SPAG1: variants seen among roughly 807,000 people sequenced by gnomAD.
The protein encoded by SPAG1 is sperm associated antigen 1.
In SPAG1, 69 loss-of-function variants were observed where a neutral mutation model predicts 100.5. That is an observed-to-expected ratio of 0.69 (90% CI 0.57 to 0.84). SPAG1 has a LOEUF of 0.84. SPAG1 is among the 40% of genes least tolerant of loss of function. The pLI is 0.00. For missense variants in SPAG1, 955 were observed against 1,133.1 expected, an observed-to-expected ratio of 0.84 and a Z score of 2.26; for synonymous variants, 336 against 411.6, an observed-to-expected ratio of 0.82 and a Z score of 2.22.
At chr8:100,222,325 C>T (rs1818320972) in intron 13 of SPAG1, among the ~76,000 whole-genome samples, 1 of 152,166 alleles carries the variant, frequency 6.6e-6, no homozygotes, top group African/African-American at 2.4e-5. Flanking sequence ...TTGCTGTCTC[C>T]CTGTGTAAAA....
chr8:100,209,069 T>A lies in SPAG1; in HGVS notation c.1097-4021T>A, dbSNP rs1817618168. On this transcript the variant is annotated intron_variant, in intron 10 of 18. Transcript: ENST00000388798. ...CCTTAATCTGGTGGGCACACTCTAA[T>A]CAGCTGCCAGCGAATATAAAGCAGA... is the stretch of plus-strand genomic sequence containing the variant. 3.3e-5 allele frequency among the ~76,000 whole-genome samples: 5 copies of A among 152,206 alleles called. No individual in the cohort carries two copies. The South Asian group carries it at 1.0e-3, about 32-fold the overall frequency.
At chr8:100,183,490 C>A in intron 5 of SPAG1, 54 bp downstream of exon 5, 1 of 765,952 alleles carries the variant, frequency 1.3e-6, no homozygotes, top group Non-Finnish European at 2.2e-6. Flanking sequence ...TTATCTACCA[C>A]AAAATACTGC....
chr8:100,232,019 G>A (rs1028502932), intron 15 of SPAG1, among the ~76,000 whole-genome samples: 1 of 151,988 alleles, frequency 6.6e-6, no homozygotes, highest in African/African-American at 2.4e-5. Context: ...GAAGTGCTGC[G>A]GGAAGGCACC....
chr8:100,184,508 G>A, intron 6 of SPAG1, 120 bp from the exon 7 acceptor site: 4 of 517,928 alleles, frequency 7.7e-6, no homozygotes, highest in African/African-American at 2.0e-5. Flanking sequence ...ATTTTCTTTT[G>A]TTTATTTTAT....
chr8:100,161,796 T>G (rs1056845149), intron 1 of SPAG1, among the ~76,000 whole-genome samples: 2 of 152,214 alleles, frequency 1.3e-5, no homozygotes, highest in South Asian at 2.1e-4. Flanking sequence ...ACTTTAGATA[T>G]AGATTAAAAG....
At chr8:100,168,369 A>T (rs1586392034) in intron 3 of SPAG1, among the ~76,000 whole-genome samples, 1 of 152,118 alleles carries the variant, frequency 6.6e-6, no homozygotes, top group Non-Finnish European at 1.5e-5. Context: ...CGTTAAAAAA[A>T]AATTGCCTTG....
At chr8:100,170,349 C>T (rs1042778897) in intron 3 of SPAG1, among the ~76,000 whole-genome samples, 1 of 152,054 alleles carries the variant, frequency 6.6e-6, no homozygotes, top group African/African-American at 2.4e-5. Flanking sequence ...ATCCTGTCAT[C>T]TCAGTTATGA....
At chr8:100,223,097 C>A (rs1818355722) in intron 13 of SPAG1, among the ~76,000 whole-genome samples, 1 of 152,174 alleles carries the variant, frequency 6.6e-6, no homozygotes, top group African/African-American at 2.4e-5. Context: ...ATCAGTACTT[C>A]ATTGCTTTTT....
rs529798377 is a variant in SPAG1 at position 100,208,567 on chromosome 8, C to G, written c.1097-4523C>G. Among the ~76,000 whole-genome samples, 9 of 149,564 alleles carry G rather than the reference C, an allele frequency of 6.0e-5. No individual in the cohort carries two copies. In the Middle Eastern group the frequency reaches 0.014, roughly 228 times the overall value. On this transcript the variant is annotated intron_variant, in intron 10 of 18. Coordinates refer to ENST00000388798, the MANE Select transcript of SPAG1 (RefSeq NM_003114.5). ...TAGTAGAAGAAGGTAGTCATCAATA[C>G]CAGCTATGACCACGTGACCAGCTGC...
intron 8 of SPAG1, among the ~76,000 whole-genome samples, chr8:100,188,952 G>T (rs974992560): frequency 7.2e-5 from 11 of 152,144 alleles, no homozygotes; most frequent in Admixed American, 3.9e-4. Flanking sequence ...TTAGGCAGCA[G>T]CCCACTGAAG....
chr8:100,241,062 T>C lies in SPAG1; in HGVS notation c.*40T>C. ...TAGATTTCTTCCATGCATGTATGTG[T>C]TCCAGGAATGTTAATGAGATGGTAT... is the stretch of plus-strand genomic sequence containing the variant. On this transcript the variant is annotated 3_prime_UTR_variant, in exon 19 of 19. Transcript: ENST00000388798. This position sits in a 1 kb window ranked among gnomAD's most constrained non-coding sequence, Gnocchi z 5.1. 2 of 1,594,876 alleles carry C rather than the reference T, an allele frequency of 1.3e-6. No homozygotes were observed. Among genetic ancestry groups the C allele is most frequent in the East Asian group, 2.2e-5 (1 of 44,616 alleles).
At position 100,240,963 on chromosome 8, in the gene SPAG1, C is replaced by T; in HGVS notation, c.2722C>T (p.Pro908Ser). 2.5e-6 allele frequency: 4 copies of T among 1,612,474 alleles called. No individual in the cohort carries two copies. Among genetic ancestry groups the T allele is most frequent in the Non-Finnish European group, 3.4e-6 (4 of 1,179,470 alleles). Residue 908 changes from proline to serine, a missense_variant, in exon 19 of 19, where the codon CCA becomes TCA. Physicochemically the swap from Pro to Ser is moderately conservative, Grantham distance 74 (BLOSUM62 -1). Transcript: ENST00000388798. ...GCTGTTTGAGGACCTTTCGGACACA[C>T]CAAACAACCATTTTACTTTAGAAGA... The part of the protein sequence containing the change: ...EQLFEDLSDT[P>S]NNHFTLEDIQ...
At chr8:100,220,551 TTG>T in intron 13 of SPAG1, 120 bp downstream of exon 13, 1 of 725,416 alleles carries the variant, frequency 1.4e-6, no homozygotes, top group Non-Finnish European at 2.2e-6. Flanking sequence ...ACCTGAATGA[TTG>T]CCTTCTTTTA....
At chr8:100,225,814 T>G (rs1818483996) in intron 14 of SPAG1, among the ~76,000 whole-genome samples, 1 of 151,824 alleles carries the variant, frequency 6.6e-6, no homozygotes, top group Non-Finnish European at 1.5e-5. Context: ...GTCCTACTAG[T>G]ATACATGTAA....
At position 100,170,826 on chromosome 8, in the gene SPAG1, TTTATTTATTTA is replaced by T. The variant is rs755204296; in HGVS notation, c.300+4856_300+4866del. 4.1e-4 allele frequency among the ~76,000 whole-genome samples: 62 copies of T among 149,450 alleles called. 1 individual carries two copies. Among genetic ancestry groups the T allele is most frequent in the Admixed American group, 3.8e-3 (57 of 15,060 alleles). On this transcript the variant is annotated intron_variant, in intron 3 of 18. Coordinates refer to ENST00000388798, the MANE Select transcript of SPAG1 (RefSeq NM_003114.5). ...ATTTATTTATTTATTTATTTATTTATTTATTTATTTATTTATTTATTTATTTTTTACTTGCT... is the reference window on the plus strand; with the variant it reads ...ATTTATTTATTTATTTATTTATTTATTTTATTTATTTATTTTTTACTTGCT...
At chr8:100,215,716 G>C (rs1586504259) in intron 12 of SPAG1, among the ~76,000 whole-genome samples, 1 of 152,146 alleles carries the variant, frequency 6.6e-6, no homozygotes, top group Admixed American at 6.6e-5. Flanking sequence ...AGTAGAGACG[G>C]GGTTTCACAG....
At chr8:100,192,346 G>A (rs942151939) in intron 9 of SPAG1, among the ~76,000 whole-genome samples, 1 of 152,156 alleles carries the variant, frequency 6.6e-6, no homozygotes, top group African/African-American at 2.4e-5. Context: ...TAGGAAACCT[G>A]CTTCTTTTAT....
chr8:100,189,874 G>A (rs952873358), intron 8 of SPAG1, among the ~76,000 whole-genome samples: 3 of 152,112 alleles, frequency 2.0e-5, no homozygotes, highest in African/African-American at 4.8e-5. Context: ...TATATTTAAA[G>A]TGCAGTGCTA....
chr8:100,187,235 C>T lies in SPAG1; in HGVS notation c.817C>T (p.Pro273Ser). The T allele has an allele frequency of 6.2e-7, 1 of 1,608,070 alleles. No individual in the cohort carries two copies. Among genetic ancestry groups the T allele is most frequent in the African/African-American group, 1.3e-5 (1 of 74,762 alleles). The change falls in exon 8 of 19, where the codon CCT (proline) becomes TCT (serine). Residue 273 changes from proline to serine, a missense_variant. Physicochemically the swap from Pro to Ser is moderately conservative, Grantham distance 74. Coordinates refer to ENST00000388798, the MANE Select transcript of SPAG1 (RefSeq NM_003114.5). ...TTGTGAAAAGGTCTTGGAGTTAGAA[C>T]CTGGAAACGTAAAGGGTAAAAAATA... is the stretch of plus-strand genomic sequence containing the variant. ...QDCEKVLELE[P>S]GNVKALLRRA...
Sources: gnomAD v4.1 joint callset for allele counts (sites outside exome capture counted in the v4.1 genomes callset) on GRCh38, gnomAD v4.1.1 for gene constraint, Gnocchi (gnomAD v3.1) non-coding constraint, MANE v1.5 for transcripts, NCBI Gene and HGNC (gene_info 2026-07-23, HGNC 2026-07-21) for gene names.